Variants in LRRC20 observed in about 807,000 individuals in gnomAD.
LRRC20 encodes the protein leucine rich repeat containing 20.
A neutral mutation model predicts 14.4 loss-of-function variants in LRRC20; 11 were observed. The ratio of observed to expected loss-of-function variants is 0.77; its 90% confidence interval spans 0.48 to 1.27. The LOEUF is 1.27. Ranked by LOEUF, LRRC20 falls within the 50% of genes most tolerant of loss-of-function variation. The pLI is 0.00. For synonymous variants in LRRC20, 121 were observed against 107.3 expected (o/e 1.13, Z -0.79); for missense variants, 219 against 251.2 (o/e 0.87, Z 0.87).
At chr10:70,375,815 T>C (rs1392212301) in intron 2 of LRRC20, among the ~76,000 whole-genome samples, 1 of 152,112 alleles carries the variant, frequency 6.6e-6, no homozygotes, top group Non-Finnish European at 1.5e-5. Context: ...TGCTGCCCCT[T>C]GCACTTGGTG....
rs1458553154 is a variant in LRRC20, at chr10:70,300,387, C to A, written c.*967G>T. On this transcript the variant is annotated 3_prime_UTR_variant, in exon 5 of 5. Coordinates refer to ENST00000446961, the MANE Select transcript of LRRC20 (RefSeq NM_001278212.2). ...TGCCAGGTTGAGGGCCTCAGAAGAA[C>A]CAGGTCATCAGGGCTTTGGGCGTTG... The A allele has an allele frequency of 2.0e-6, 2 of 985,362 alleles. No homozygotes were observed. Among genetic ancestry groups the A allele is most frequent in the Non-Finnish European group, 2.4e-6 (2 of 829,976 alleles). 61.0% of individuals were successfully genotyped at this position (985,362 alleles called of 1,614,324 possible).
At chr10:70,316,837 C>G (rs2136919901) in intron 4 of LRRC20, among the ~76,000 whole-genome samples, 1 of 152,348 alleles carries the variant, frequency 6.6e-6, no homozygotes, top group Non-Finnish European at 1.5e-5. Context: ...ACCTACTGCT[C>G]AATGCCTGGT....
chr10:70,301,872 A>T (rs34763100), intron 4 of LRRC20, among the ~76,000 whole-genome samples: 7,975 of 152,298 alleles, frequency 0.052, 289 homozygotes, highest in African/African-American at 0.092. Context: ...TAATAGTCAA[A>T]TGTCCACCAA....
chr10:70,320,904 A>T (rs1842053505), intron 4 of LRRC20, among the ~76,000 whole-genome samples: 2 of 152,160 alleles, frequency 1.3e-5, no homozygotes, highest in South Asian at 4.1e-4. Context: ...CAGAGGGTGG[A>T]GGAAGATCAC....
At chr10:70,363,631 G>C (rs144287066) in intron 2 of LRRC20, among the ~76,000 whole-genome samples, 1 of 152,344 alleles carries the variant, frequency 6.6e-6, no homozygotes, top group Non-Finnish European at 1.5e-5. Context: ...GAATTATCCA[G>C]CTCAAAAACC....
chr10:70,300,325 A>ACAGCTGGTCACCCTGTTGCCTGAC lies in LRRC20; in HGVS notation c.*1005_*1028dup. The stretch of plus-strand genomic sequence containing the variant: ...AAGTTCCATGTCCTGGGAAACCAGG[A>ACAGCTGGTCACCCTGTTGCCTGAC]CAGCTGGTCACCCTGTTGCCTGACC... On this transcript the variant is annotated 3_prime_UTR_variant, in exon 5 of 5. Transcript: ENST00000446961. 1 of 975,650 alleles carries ACAGCTGGTCACCCTGTTGCCTGAC rather than the reference A, an allele frequency of 1.0e-6. No homozygotes were observed. Among genetic ancestry groups the ACAGCTGGTCACCCTGTTGCCTGAC allele is most frequent in the Non-Finnish European group, 1.2e-6 (1 of 821,042 alleles). The allele number at this position is 975,650 out of a possible 1,614,324, so 60.4% of individuals were successfully genotyped here. A position where few individuals can be genotyped will look rare whatever the true frequency, so the allele number is the denominator to read the frequency against.
intron 2 of LRRC20, among the ~76,000 whole-genome samples, chr10:70,358,182 C>T (rs1389212664): frequency 1.3e-5 from 2 of 152,232 alleles, no homozygotes; most frequent in African/African-American, 4.8e-5. Flanking sequence ...CTCAACCTCC[C>T]TATCTGTGAA....
chr10:70,317,617 G>A (rs539308865), intron 4 of LRRC20, among the ~76,000 whole-genome samples: 19 of 152,276 alleles, frequency 1.2e-4, no homozygotes, highest in African/African-American at 3.4e-4. Context: ...AGCCTCAAGC[G>A]ATCCTCCTGC....
intron 3 of LRRC20, among the ~76,000 whole-genome samples, chr10:70,329,844 C>T (rs554974493): frequency 3.9e-5 from 6 of 152,298 alleles, no homozygotes; most frequent in African/African-American, 1.4e-4. Context: ...GGATTACAGG[C>T]GTGAGCCACC....
At position 70,336,303 on chromosome 10, in the gene LRRC20, G is replaced by A. The variant is rs183081664; in HGVS notation, c.232+4250C>T. 9.2e-5 allele frequency among the ~76,000 whole-genome samples: 14 copies of A among 152,248 alleles called. No homozygotes were observed. In the East Asian group the frequency reaches 2.1e-3, roughly 23 times the overall value. ...GAGACTGAATATACAAACAGGCAATGACCAGGCCAAATATAAAAACAGAAC... is the reference window on the plus strand; with the variant it reads ...GAGACTGAATATACAAACAGGCAATAACCAGGCCAAATATAAAAACAGAAC... On this transcript the variant is annotated intron_variant, in intron 3 of 4. Coordinates refer to ENST00000446961, the MANE Select transcript of LRRC20 (RefSeq NM_001278212.2).
intron 2 of LRRC20, among the ~76,000 whole-genome samples, chr10:70,367,715 A>AG (rs1844067749): frequency 6.6e-6 from 1 of 152,134 alleles, no homozygotes; most frequent in Non-Finnish European, 1.5e-5. Context: ...GTTTGGCTGC[A>AG]GGGGAGCATG....
At chr10:70,305,197 A>C (rs936882532) in intron 4 of LRRC20, among the ~76,000 whole-genome samples, 1 of 152,194 alleles carries the variant, frequency 6.6e-6, no homozygotes, top group Admixed American at 6.5e-5. Flanking sequence ...TAAATAAATA[A>C]TAAAAAGGAA....
At chr10:70,352,146 T>C (rs1843335248) in intron 2 of LRRC20, among the ~76,000 whole-genome samples, 2 of 152,038 alleles carry the variant, frequency 1.3e-5, no homozygotes, top group African/African-American at 2.4e-5. Context: ...AAACTCAAGG[T>C]AGGAGCTGTG....
intron 2 of LRRC20, among the ~76,000 whole-genome samples, chr10:70,369,436 A>G (rs1256850910): frequency 6.6e-6 from 1 of 152,148 alleles, no homozygotes; most frequent in Non-Finnish European, 1.5e-5. Flanking sequence ...AAAACAGAGG[A>G]AAACTACTGC....
chr10:70,376,520 A>G lies in LRRC20; in HGVS notation c.14T>C (p.Met5Thr), dbSNP rs1442635378. The part of the protein sequence containing the change: MLKK[M>T]GEAVARVARK... ...TGCTACTCTGGCCACGGCCTCACCCATCTTCTTCAGCATGCAGACACAGGT... is the reference window on the plus strand; with the variant it reads ...TGCTACTCTGGCCACGGCCTCACCCGTCTTCTTCAGCATGCAGACACAGGT... The change falls in exon 2 of 5, where the codon ATG (methionine) becomes ACG (threonine). Residue 5 changes from methionine to threonine, a missense_variant. Transcript: ENST00000446961. 1.2e-6 allele frequency: 2 copies of G among 1,613,592 alleles called. No homozygotes were observed. Among genetic ancestry groups the G allele is most frequent in the Non-Finnish European group, 1.7e-6 (2 of 1,179,982 alleles).
chr10:70,308,098 C>T (rs562792769), intron 4 of LRRC20, among the ~76,000 whole-genome samples: 70 of 152,310 alleles, frequency 4.6e-4, no homozygotes, highest in African/African-American at 1.6e-3. Flanking sequence ...CCTAAAAGCA[C>T]TATGGCTCCC....
At chr10:70,333,481 T>C (rs1322603068) in intron 3 of LRRC20, among the ~76,000 whole-genome samples, 3 of 152,192 alleles carry the variant, frequency 2.0e-5, no homozygotes, top group Admixed American at 2.0e-4. Flanking sequence ...CTATATGTAG[T>C]AGAGCCTCAA....
At chr10:70,330,884 A>T (rs995957338) in intron 3 of LRRC20, among the ~76,000 whole-genome samples, 2 of 152,172 alleles carry the variant, frequency 1.3e-5, no homozygotes, top group Non-Finnish European at 2.9e-5. Context: ...ACCAGTTAAA[A>T]ACAGCCTCTT....
intron 4 of LRRC20, among the ~76,000 whole-genome samples, chr10:70,322,876 C>T (rs1842143000): frequency 6.6e-6 from 1 of 151,928 alleles, no homozygotes; most frequent in Non-Finnish European, 1.5e-5. Flanking sequence ...CAGAGTCCTG[C>T]CTGTGGCACC....
Sources: gnomAD v4.1 joint callset for allele counts (sites outside exome capture counted in the v4.1 genomes callset) on GRCh38, gnomAD v4.1.1 for gene constraint, MANE v1.5 for transcripts, NCBI Gene and HGNC (gene_info 2026-07-23, HGNC 2026-07-21) for gene names.